The following TYW1B variants were observed in gnomAD, a reference collection of about 807,000 sequenced individuals.
The protein encoded by TYW1B is S-adenosyl-L-methionine-dependent tRNA 4-demethylwyosine synthase TYW1B.
TYW1B carries 73 observed loss-of-function variants against 86.9 expected under a neutral mutation model. The ratio of observed to expected loss-of-function variants is 0.84; its 90% CI spans 0.70 to 1.02. The LOEUF (loss-of-function observed/expected upper bound fraction) is 1.02. Among genes scored for constraint, TYW1B ranks in the 50% least tolerant of loss-of-function variants. TYW1B has a pLI of 0.00. For synonymous variants in TYW1B, 248 were observed against 292.8 expected, an observed-to-expected ratio of 0.85 and a Z score of 1.56; for missense variants, 637 against 827.4, an observed-to-expected ratio of 0.77 and a Z score of 2.82.
intron 2 of TYW1B, among the ~76,000 whole-genome samples, chr7:72,821,076 G>T (rs1423344196): frequency 6.6e-6 from 1 of 152,220 alleles, no homozygotes; most frequent in Non-Finnish European, 1.5e-5. Context: ...GGGTTCAAGT[G>T]ATTCTCGTGC....
chr7:72,812,373 A>T (rs1293916090), intron 3 of TYW1B, among the ~76,000 whole-genome samples: 2 of 152,132 alleles, frequency 1.3e-5, no homozygotes, highest in Non-Finnish European at 1.5e-5. Flanking sequence ...TCAGCGCTCC[A>T]GAAGTGTAGA....
chr7:72,812,701 GTTT>G (rs1422203647), intron 3 of TYW1B, among the ~76,000 whole-genome samples: 1 of 138,244 alleles, frequency 7.2e-6, no homozygotes. Flanking sequence ...GCCTTTTGGG[GTTT>G]TTTTTTTTTT....
intron 13 of TYW1B, among the ~76,000 whole-genome samples, chr7:72,600,316 C>T (rs1338831706): frequency 6.6e-6 from 1 of 152,198 alleles, no homozygotes; most frequent in East Asian, 1.9e-4. Context: ...TGGATGTCCT[C>T]ATGCAAGAAA....
chr7:72,774,688 G>A (rs1472260563), intron 7 of TYW1B, among the ~76,000 whole-genome samples: 4 of 152,100 alleles, frequency 2.6e-5, no homozygotes, highest in African/African-American at 4.8e-5. Flanking sequence ...CCAAGATCAC[G>A]CCACTGCGCT....
intron 11 of TYW1B, among the ~76,000 whole-genome samples, chr7:72,643,502 G>A (rs1314736339): frequency 1.3e-5 from 2 of 151,774 alleles, no homozygotes; most frequent in Non-Finnish European, 2.9e-5. Context: ...CAGGAGAACC[G>A]CTTGAACCTG....
intron 11 of TYW1B, among the ~76,000 whole-genome samples, chr7:72,684,595 T>C (rs1466688680): frequency 6.6e-6 from 1 of 151,912 alleles, no homozygotes; most frequent in East Asian, 1.9e-4. Flanking sequence ...AAAAGGAAAA[T>C]GATATAGGTC....
At chr7:72,768,149 A>G (rs1210603431) in intron 7 of TYW1B, among the ~76,000 whole-genome samples, 1 of 151,762 alleles carries the variant, frequency 6.6e-6, no homozygotes, top group Non-Finnish European at 1.5e-5. Flanking sequence ...CTGAGGAGAG[A>G]GGATCGCTTC....
intron 13 of TYW1B, among the ~76,000 whole-genome samples, chr7:72,593,818 T>G (rs1278179236): frequency 1.7e-5 from 1 of 58,380 alleles, no homozygotes; most frequent in Non-Finnish European, 2.7e-5. Flanking sequence ...CCAGACTCCA[T>G]CTAAAAAAAA....
chr7:72,766,934 T>A (rs1483810842), intron 7 of TYW1B, among the ~76,000 whole-genome samples: 2 of 151,638 alleles, frequency 1.3e-5, no homozygotes, highest in African/African-American at 2.4e-5. Context: ...CTCAAAAAAA[T>A]AAATAAATAA....
At chr7:72,703,039 T>TTGAGA in intron 10 of TYW1B, among the ~76,000 whole-genome samples, 1 of 142,058 alleles carries the variant, frequency 7.0e-6, no homozygotes, top group African/African-American at 2.6e-5. Flanking sequence ...TTTTTTTTTT[T>TTGAGA]TTTGAGATGG....
At chr7:72,657,156 A>G (rs1813223717) in intron 11 of TYW1B, among the ~76,000 whole-genome samples, 2 of 152,204 alleles carry the variant, frequency 1.3e-5, no homozygotes, top group African/African-American at 4.8e-5. Flanking sequence ...AGATATCCTA[A>G]AATAGAACCA....
chr7:72,605,944 G>C (rs1180274406), intron 13 of TYW1B, among the ~76,000 whole-genome samples: 1 of 152,154 alleles, frequency 6.6e-6, no homozygotes, highest in African/African-American at 2.4e-5. Flanking sequence ...GTGGTATAAT[G>C]TCTGGTTCTG....
intron 3 of TYW1B, among the ~76,000 whole-genome samples, chr7:72,812,751 A>G (rs1788645447): frequency 6.7e-6 from 1 of 148,746 alleles, no homozygotes. Context: ...GCTGGAGTGC[A>G]GTGGCATGAT....
chr7:72,640,364 G>C (rs1362874062), intron 11 of TYW1B, among the ~76,000 whole-genome samples: 2 of 151,944 alleles, frequency 1.3e-5, no homozygotes, highest in African/African-American at 4.8e-5. Context: ...AGAGACACAC[G>C]AAAGACTAAA....
intron 10 of TYW1B, among the ~76,000 whole-genome samples, chr7:72,711,219 C>A (rs375070454): frequency 6.6e-6 from 1 of 152,238 alleles, no homozygotes; most frequent in Admixed American, 6.5e-5. Flanking sequence ...AAAGCAGACT[C>A]GGGGCTATGC....
chr7:72,735,328 G>A (rs1356986184), intron 8 of TYW1B, among the ~76,000 whole-genome samples: 1 of 152,158 alleles, frequency 6.6e-6, no homozygotes, highest in Non-Finnish European at 1.5e-5. Flanking sequence ...CCAGCACTTT[G>A]GGAGGCTGAG....
chr7:72,642,162 CT>C (rs1554441539), intron 11 of TYW1B, among the ~76,000 whole-genome samples: 2 of 152,166 alleles, frequency 1.3e-5, no homozygotes, highest in Non-Finnish European at 2.9e-5. Context: ...ACTGAGACAA[CT>C]AGTTATTCAC....
chr7:72,693,398 T>C (rs1814221179), intron 11 of TYW1B, among the ~76,000 whole-genome samples: 2 of 147,210 alleles, frequency 1.4e-5, no homozygotes, highest in South Asian at 4.3e-4. Flanking sequence ...ACGTATACTA[T>C]TTGCAGACAT....
intron 10 of TYW1B, among the ~76,000 whole-genome samples, chr7:72,709,203 T>C (rs532214115): frequency 1.8e-4 from 28 of 152,316 alleles, no homozygotes; most frequent in East Asian, 3.9e-4. Context: ...GGTATTTCAA[T>C]GGATAACAAA....
Sources: allele counts gnomAD v4.1 joint callset (sites outside exome capture counted in the v4.1 genomes callset), GRCh38; gene constraint gnomAD v4.1.1; transcripts MANE v1.5; gene names NCBI Gene and HGNC (gene_info 2026-07-23, HGNC 2026-07-21).